Variants in ZNF407 observed in about 807,000 individuals in gnomAD.
ZNF407 encodes zinc finger protein 407.
In ZNF407, 17 loss-of-function variants were observed where a neutral mutation model predicts 131.2. The observed-to-expected ratio is 0.13, with a 90% CI of 0.09 to 0.19. The LOEUF (loss-of-function observed/expected upper bound fraction) is 0.19, where lower values mean the gene tolerates loss of function less well. ZNF407 is among the 10% of genes least tolerant of loss of function. The pLI is 1.00. For synonymous variants in ZNF407, 1,156 were observed against 1,062.0 expected, an observed-to-expected ratio of 1.09 and a Z score of -1.72; for missense variants, 2,681 against 2,830.6, an observed-to-expected ratio of 0.95 and a Z score of 1.20.
intron 8 of ZNF407, among the ~76,000 whole-genome samples, chr18:75,009,873 A>G (rs1287671160): frequency 6.6e-6 from 1 of 152,152 alleles, no homozygotes; most frequent in Non-Finnish European, 1.5e-5. Context: ...TAGTCATAAG[A>G]CTTTTGTTTT....
intron 8 of ZNF407, among the ~76,000 whole-genome samples, chr18:74,992,400 G>A (rs1248991055): frequency 6.6e-6 from 1 of 152,184 alleles, no homozygotes; most frequent in African/African-American, 2.4e-5. Context: ...GGAGACATAG[G>A]AGCAAGGAGT....
intron 3 of ZNF407, among the ~76,000 whole-genome samples, chr18:74,727,512 C>A (rs1447778854): frequency 1.3e-5 from 2 of 152,180 alleles, no homozygotes; most frequent in Non-Finnish European, 2.9e-5. Flanking sequence ...CAGTACATTG[C>A]TGTTTCTCTG....
chr18:74,633,048 G>T lies in ZNF407; in HGVS notation c.2029G>T (p.Asp677Tyr). ...ESENAKESMD[D>Y]SGKASQEEPL... ...AGAAAACGCAAAAGAGTCTATGGAT[G>T]ACTCAGGAAAAGCATCTCAGGAAGA... The change falls in exon 2 of 9, where the codon GAC becomes TAC. Residue 677 changes from aspartate (D) to tyrosine (Y), a missense_variant. Asp to Tyr is a radical substitution (Grantham distance 160). Transcript: ENST00000299687. 6.2e-7 allele frequency: 1 copy of T among 1,613,836 alleles called. No individual in the cohort carries two copies. Among genetic ancestry groups the T allele is most frequent in the South Asian group, 1.1e-5 (1 of 91,044 alleles).
At chr18:74,947,620 G>A (rs80014743) in intron 8 of ZNF407, among the ~76,000 whole-genome samples, 1,621 of 152,274 alleles carry the variant, frequency 0.011, 27 homozygotes, top group African/African-American at 0.036. Flanking sequence ...CTCTCCCCTC[G>A]GAGGGAGGAG....
chr18:74,894,749 C>G (rs1487374130), intron 7 of ZNF407, among the ~76,000 whole-genome samples: 2 of 152,038 alleles, frequency 1.3e-5, no homozygotes. Flanking sequence ...TTAAGGATAA[C>G]CCTACATTGC....
intron 4 of ZNF407, among the ~76,000 whole-genome samples, chr18:74,870,264 AGT>A (rs1358423363): frequency 9.2e-5 from 14 of 152,206 alleles, no homozygotes; most frequent in African/African-American, 3.1e-4. Context: ...TAAAAATGAC[AGT>A]CTTTGGCATG....
rs77460403 is a variant in ZNF407, at chr18:75,043,185, C to T, written c.5429-19965C>T. ...CGTCCTCACCAGCACTTGGCATGATCGGTCTTTTTAAAATTTTAGCCATTC... is the reference window on the plus strand; with the variant it reads ...CGTCCTCACCAGCACTTGGCATGATTGGTCTTTTTAAAATTTTAGCCATTC... On this transcript the variant is annotated intron_variant, in intron 8 of 8. Transcript: ENST00000299687. Among the ~76,000 whole-genome samples the T allele has an allele frequency of 1.1e-4, 17 of 152,288 alleles. No individual in the cohort carries two copies. The East Asian group carries it at 2.1e-3, about 19-fold the overall frequency.
In ZNF407 at chr18:74,962,353, T is replaced by A. The variant is rs145650297; in HGVS notation, c.5428+41661T>A. ...ACAGCCCAAAACATTCAGCATGATA[T>A]AATGTCATTTGGCATACTCTCTCAT... is the stretch of plus-strand genomic sequence containing the variant. On this transcript the variant is annotated intron_variant, in intron 8 of 8. Coordinates refer to ENST00000299687, the MANE Select transcript of ZNF407 (RefSeq NM_017757.3). Among the ~76,000 whole-genome samples, 5 of 152,380 alleles carry A rather than the reference T, an allele frequency of 3.3e-5. No homozygotes were observed. The East Asian group carries it at 9.6e-4, about 29-fold the overall frequency.
intron 3 of ZNF407, among the ~76,000 whole-genome samples, chr18:74,704,535 C>T (rs1242975225): frequency 6.6e-6 from 1 of 152,124 alleles, no homozygotes; most frequent in East Asian, 1.9e-4. Flanking sequence ...TTTAATACAT[C>T]ACCTCAGTAA....
chr18:74,866,121 G>A (rs1971006740), intron 4 of ZNF407, among the ~76,000 whole-genome samples: 1 of 152,178 alleles, frequency 6.6e-6, no homozygotes. Context: ...ATGTCTGCAT[G>A]TCAGAATATT....
chr18:74,876,096 T>A (rs1385579216), intron 4 of ZNF407, among the ~76,000 whole-genome samples: 1 of 152,232 alleles, frequency 6.6e-6, no homozygotes, highest in Non-Finnish European at 1.5e-5. Flanking sequence ...AAAAGTATGG[T>A]TAAAGACTCT....
Position 74,634,290 on chromosome 18 carries a change from T to C in ZNF407, c.3271T>C (p.Ser1091Pro). Residue 1091 changes from serine to proline, a missense_variant, in exon 2 of 9, where the codon TCC becomes CCC. This residue lies in a region of ZNF407 where 1,789 missense variants were observed against 1,748.7 expected (regional missense o/e 1.02). Coordinates refer to ENST00000299687, the MANE Select transcript of ZNF407 (RefSeq NM_017757.3). ...TGTAGAAGCTGGTTCTGCAGACATG[T>C]CCAAAAACATCATTATGCCTGAAGA... ...ANVEAGSADM[S>P]KNIIMPEEEH... 6.2e-7 allele frequency: 1 copy of C among 1,613,980 alleles called. No homozygotes were observed. Among genetic ancestry groups the C allele is most frequent in the Non-Finnish European group, 8.5e-7 (1 of 1,179,870 alleles).
intron 1 of ZNF407, among the ~76,000 whole-genome samples, chr18:74,606,728 G>A (rs1399210264): frequency 6.6e-6 from 1 of 152,252 alleles, no homozygotes; most frequent in African/African-American, 2.4e-5. Flanking sequence ...TTATTTCAAA[G>A]TAGACTTGAT....
intron 3 of ZNF407, among the ~76,000 whole-genome samples, chr18:74,657,606 A>G (rs535124367): frequency 6.6e-6 from 1 of 152,286 alleles, no homozygotes; most frequent in South Asian, 2.1e-4. Flanking sequence ...ATGCTCAACT[A>G]TACAGATGAG....
chr18:74,687,382 G>A (rs1303324872), intron 3 of ZNF407, among the ~76,000 whole-genome samples: 1 of 152,172 alleles, frequency 6.6e-6, no homozygotes, highest in Non-Finnish European at 1.5e-5. Context: ...ATAATATGTA[G>A]TGTAAAGAAT....
chr18:74,987,553 CAG>C (rs1972667987), intron 8 of ZNF407, among the ~76,000 whole-genome samples: 1 of 152,078 alleles, frequency 6.6e-6, no homozygotes, highest in South Asian at 2.1e-4. Flanking sequence ...TGTCTCCTTT[CAG>C]TGACAAATAA....
At chr18:74,663,764 A>G (rs577811160) in intron 3 of ZNF407, among the ~76,000 whole-genome samples, 63 of 152,298 alleles carry the variant, frequency 4.1e-4, no homozygotes, top group Non-Finnish European at 7.2e-4. Context: ...TCAGATGAAG[A>G]TCTATTGAGA....
intron 3 of ZNF407, among the ~76,000 whole-genome samples, chr18:74,665,187 A>G (rs910630492): frequency 2.0e-5 from 3 of 152,240 alleles, no homozygotes; most frequent in Non-Finnish European, 2.9e-5. Context: ...GAGCAGAAAT[A>G]CTGATGTAAA....
chr18:74,921,853 A>G (rs983875056), intron 8 of ZNF407, among the ~76,000 whole-genome samples: 1 of 152,206 alleles, frequency 6.6e-6, no homozygotes, highest in Non-Finnish European at 1.5e-5. Flanking sequence ...CAAAATGCTT[A>G]AGCAATGTTT....
Sources: gnomAD v4.1 joint callset for allele counts (sites outside exome capture counted in the v4.1 genomes callset) on GRCh38, gnomAD v4.1.1 for gene constraint, gnomAD v4.1.1 regional missense constraint, MANE v1.5 for transcripts, NCBI Gene and HGNC (gene_info 2026-07-23, HGNC 2026-07-21) for gene names.